DLGAP1: variants seen among roughly 807,000 people sequenced by gnomAD.
DLGAP1 encodes the protein disks large-associated protein 1.
DLGAP1 carries 11 observed loss-of-function variants against 90.8 expected under a neutral mutation model. The ratio of observed to expected loss-of-function variants is 0.12; its 90% confidence interval spans 0.08 to 0.20. DLGAP1 has a LOEUF of 0.20. DLGAP1 is among the 10% of genes least tolerant of loss of function. The pLI is 1.00. For synonymous variants in DLGAP1, 558 were observed against 540.7 expected, an observed-to-expected ratio of 1.03 and a Z score of -0.44; for missense variants, 1,050 against 1,333.8, an observed-to-expected ratio of 0.79 and a Z score of 3.31.
chr18:3,758,565 C>G (rs2063814706), intron 5 of DLGAP1, among the ~76,000 whole-genome samples: 1 of 152,192 alleles, frequency 6.6e-6, no homozygotes, highest in Non-Finnish European at 1.5e-5. Flanking sequence ...TCTTCTTTTT[C>G]TGCCCTCTTA....
intron 7 of DLGAP1, among the ~76,000 whole-genome samples, chr18:3,693,030 G>C (rs1212077175): frequency 6.6e-6 from 1 of 152,170 alleles, no homozygotes; most frequent in Non-Finnish European, 1.5e-5. Flanking sequence ...GGCTTTTTCA[G>C]TATAAAAGCC....
intron 9 of DLGAP1, among the ~76,000 whole-genome samples, chr18:3,553,786 G>A (rs1216547435): frequency 6.6e-6 from 1 of 152,022 alleles, no homozygotes; most frequent in Non-Finnish European, 1.5e-5. Context: ...ACCCACCTCG[G>A]TCCCCCAATG....
At chr18:4,434,154 A>G (rs963894110) in intron 1 of DLGAP1, among the ~76,000 whole-genome samples, 5 of 137,322 alleles carry the variant, frequency 3.6e-5, no homozygotes, top group African/African-American at 1.3e-4. Flanking sequence ...CTTACACCGA[A>G]AATATTGCAT....
chr18:4,194,915 T>A lies in DLGAP1; in HGVS notation c.-266-43628A>T, dbSNP rs2077467168. On this transcript the variant is annotated intron_variant, in intron 1 of 12. Coordinates refer to ENST00000315677, the MANE Select transcript of DLGAP1 (RefSeq NM_004746.4). ...ACACAGACCTCACCTCCCTCACCTATCATTTGTGTGTGCGTGGTGAGATGT... is the reference window on the plus strand; with the variant it reads ...ACACAGACCTCACCTCCCTCACCTAACATTTGTGTGTGCGTGGTGAGATGT... Among the ~76,000 whole-genome samples, 3 of 152,178 alleles carry A rather than the reference T, an allele frequency of 2.0e-5. No individual in the cohort carries two copies. The South Asian group carries it at 6.2e-4, about 31-fold the overall frequency.
intron 1 of DLGAP1, among the ~76,000 whole-genome samples, chr18:4,252,279 T>C (rs1256287329): frequency 6.6e-6 from 1 of 152,246 alleles, no homozygotes; most frequent in Non-Finnish European, 1.5e-5. Context: ...CTCATTTTTG[T>C]AATTCTGAGG....
At chr18:4,080,667 T>C (rs2075592364) in intron 2 of DLGAP1, among the ~76,000 whole-genome samples, 1 of 152,210 alleles carries the variant, frequency 6.6e-6, no homozygotes, top group African/African-American at 2.4e-5. Flanking sequence ...GGAAGTTTCA[T>C]CTATAGAACA....
chr18:3,920,045 T>C (rs947214653), intron 3 of DLGAP1, among the ~76,000 whole-genome samples: 1 of 152,118 alleles, frequency 6.6e-6, no homozygotes, highest in African/African-American at 2.4e-5. Flanking sequence ...AAAAAAGCAT[T>C]TTAAAAATTC....
chr18:4,391,509 T>C (rs2082339512), intron 1 of DLGAP1, among the ~76,000 whole-genome samples: 1 of 152,162 alleles, frequency 6.6e-6, no homozygotes, highest in African/African-American at 2.4e-5. Flanking sequence ...CCCCAATCCA[T>C]AGCTGGCTGA....
At chr18:4,034,184 A>G (rs1428953068) in intron 2 of DLGAP1, among the ~76,000 whole-genome samples, 3 of 149,974 alleles carry the variant, frequency 2.0e-5, no homozygotes, top group Admixed American at 6.6e-5. Context: ...TGGGATTACA[A>G]GCGCCCACCA....
At chr18:3,628,379 G>A (rs980556849) in intron 7 of DLGAP1, among the ~76,000 whole-genome samples, 5 of 151,504 alleles carry the variant, frequency 3.3e-5, no homozygotes, top group Non-Finnish European at 7.4e-5. Context: ...CAGTAGAGAC[G>A]AGGTTTGACC....
At chr18:3,583,637 C>T (rs776760483) in intron 7 of DLGAP1, among the ~76,000 whole-genome samples, 4 of 152,144 alleles carry the variant, frequency 2.6e-5, no homozygotes, top group Admixed American at 6.5e-5. Flanking sequence ...TTCTTTAGGG[C>T]AACTTGGTCA....
chr18:3,620,943 G>A (rs2058074503), intron 7 of DLGAP1, among the ~76,000 whole-genome samples: 1 of 152,188 alleles, frequency 6.6e-6, no homozygotes, highest in Non-Finnish European at 1.5e-5. Flanking sequence ...GTGGTTCCCA[G>A]AGGTTGGTCT....
At chr18:3,662,722 C>T (rs1036948548) in intron 7 of DLGAP1, among the ~76,000 whole-genome samples, 4 of 152,198 alleles carry the variant, frequency 2.6e-5, no homozygotes, top group East Asian at 1.9e-4. Flanking sequence ...GAGCAGGACT[C>T]GGCCCTCCAG....
intron 4 of DLGAP1, among the ~76,000 whole-genome samples, chr18:3,862,285 T>C (rs1164051011): frequency 6.6e-6 from 1 of 152,208 alleles, no homozygotes; most frequent in Non-Finnish European, 1.5e-5. Flanking sequence ...GATGATGCAT[T>C]GCCAACTGCC....
At chr18:3,995,827 T>C (rs947374766) in intron 3 of DLGAP1, 1 of 152,118 alleles carries the variant, frequency 6.6e-6, no homozygotes, top group African/African-American at 2.4e-5. Flanking sequence ...ATTTAGATAT[T>C]TAATCTTATT....
intron 1 of DLGAP1, among the ~76,000 whole-genome samples, chr18:4,268,421 A>G (rs1052584911): frequency 3.3e-5 from 5 of 152,212 alleles, no homozygotes; most frequent in Admixed American, 2.0e-4. Flanking sequence ...ATGAATATAG[A>G]CAGACTGGAG....
At chr18:3,765,121 TTTTTTTTTC>T (rs1379306911) in intron 5 of DLGAP1, among the ~76,000 whole-genome samples, 8 of 135,208 alleles carry the variant, frequency 5.9e-5, no homozygotes, top group East Asian at 2.7e-4. Flanking sequence ...TGCAAACTTT[TTTTTTTTTC>T]TTTTTTTTTT....
At chr18:4,096,101 C>T (rs372766403) in intron 2 of DLGAP1, among the ~76,000 whole-genome samples, 2 of 152,314 alleles carry the variant, frequency 1.3e-5, no homozygotes, top group African/African-American at 4.8e-5. Flanking sequence ...TCTCAGCTCA[C>T]TGCAGTCTCC....
chr18:3,529,011 C>T (rs2051821838), intron 10 of DLGAP1, among the ~76,000 whole-genome samples: 1 of 152,204 alleles, frequency 6.6e-6, no homozygotes. Context: ...CTCTCTCTTC[C>T]ACATCCTTGT....
Sources: gnomAD v4.1 joint callset for allele counts (sites outside exome capture counted in the v4.1 genomes callset) on GRCh38, gnomAD v4.1.1 for gene constraint, MANE v1.5 for transcripts, NCBI Gene and HGNC (gene_info 2026-07-23, HGNC 2026-07-21) for gene names.